UBQLN3: variants seen among roughly 807,000 people sequenced by gnomAD.
UBQLN3 encodes the protein ubiquilin 3, also known as ubiquilin-3.
In UBQLN3, 1 loss-of-function variant was observed where a neutral mutation model predicts 2.9. The observed-to-expected ratio is 0.35, with a 90% CI of 0.12 to 1.66. The LOEUF is 1.66. Among genes scored for constraint, UBQLN3 ranks in the 40% most tolerant of loss-of-function variants. The pLI is 0.35. For missense variants in UBQLN3, 924 were observed against 816.5 expected, an observed-to-expected ratio of 1.13 and a Z score of -1.61; for synonymous variants, 358 against 317.6, an observed-to-expected ratio of 1.13 and a Z score of -1.35.
chr11:5,507,914 G>A lies in UBQLN3; in HGVS notation c.1645C>T (p.Leu549=). 6.2e-7 allele frequency: 1 copy of A among 1,613,854 alleles called. No individual in the cohort carries two copies. The highest frequency in any genetic ancestry group is 2.2e-5 in the East Asian group (1 of 44,862). Residue 549 remains leucine (L), a synonymous_variant, in exon 2 of 2, where the codon CTA becomes TTA. Coordinates refer to ENST00000311659, the MANE Select transcript of UBQLN3 (RefSeq NM_017481.4). ...PRLLLWFMPC[L]AGTGSVAGGI... ...CCTGCCACACTACCCGTCCCTGCTA[G>A]GCAAGGCATGAACCAGAGTAGGAGG...
Position 5,507,936 on chromosome 11 carries a change from G to A in UBQLN3, c.1623C>T (p.Leu541=), listed in dbSNP as rs776156868. The change falls in exon 2 of 2, where the codon CTC becomes CTT. Residue 541 remains leucine (L), a synonymous_variant. Transcript: ENST00000311659. ...CTAGGCAAGGCATGAACCAGAGTAGGAGGCGAGGTGCTTCAGTAGCTAGGA... is the reference window on the plus strand; with the variant it reads ...CTAGGCAAGGCATGAACCAGAGTAGAAGGCGAGGTGCTTCAGTAGCTAGGA... ...LQVLATEAPR[L]LLWFMPCLAG... 7 of 1,613,942 alleles carry A rather than the reference G, an allele frequency of 4.3e-6. No individual in the cohort carries two copies. The highest frequency in any genetic ancestry group is 5.9e-6 in the Non-Finnish European group (7 of 1,180,024).
chr11:5,507,832 G>A lies in UBQLN3; in HGVS notation c.1727C>T (p.Pro576Leu), dbSNP rs1846401597. Reference protein sequence around the residue: ...LMSEDPLPNPPPEVFPALDSA... With the variant: ...LMSEDPLPNPLPEVFPALDSA... ...GTCCAGTGCTGGGAACACCTCAGGA[G>A]GTGGATTTGGGAGAGGATCCTCAGA... Residue 576 changes from proline (P) to leucine (L), a missense_variant, in exon 2 of 2, where the codon CCT becomes CTT. Physicochemically the swap from Pro to Leu is moderately conservative, Grantham distance 98 (BLOSUM62 -3). Coordinates refer to ENST00000311659, the MANE Select transcript of UBQLN3 (RefSeq NM_017481.4). 6.2e-7 allele frequency: 1 copy of A among 1,613,866 alleles called. No individual in the cohort carries two copies. Among genetic ancestry groups the A allele is most frequent in the Non-Finnish European group, 8.5e-7 (1 of 1,180,038 alleles).
In UBQLN3 at chr11:5,508,586, C is replaced by T. The variant is rs1846421534; in HGVS notation, c.973G>A (p.Asp325Asn). The change falls in exon 2 of 2, where the codon GAT becomes AAT. Residue 325 changes from aspartate (D) to asparagine (N), a missense_variant. By Grantham distance (23) the Asp-to-Asn change is conservative. Coordinates refer to ENST00000311659, the MANE Select transcript of UBQLN3 (RefSeq NM_017481.4). This position sits in a 1 kb window ranked among gnomAD's most constrained non-coding sequence, Gnocchi z 4.2. Reference sequence around the variant, plus strand: ...AACCTATTTCTAATGTCAGGTGCATCCTGATCCCCATCCTGCCTTCCTTGC... The same window carrying T: ...AACCTATTTCTAATGTCAGGTGCATTCTGATCCCCATCCTGCCTTCCTTGC... The part of the protein sequence containing the change: ...SRQGRQDGDQ[D>N]APDIRNRFPN... 6.2e-7 allele frequency: 1 copy of T among 1,614,070 alleles called. No homozygotes were observed. The highest frequency in any genetic ancestry group is 8.5e-7 in the Non-Finnish European group (1 of 1,180,000).
rs1846426440 is a variant in UBQLN3, at chr11:5,508,776, A to G, written c.783T>C (p.Ile261=). The G allele has an allele frequency of 1.2e-6, 2 of 1,614,006 alleles. No homozygotes were observed. The highest frequency in any genetic ancestry group is 1.3e-5 in the African/African-American group (1 of 74,904). ...GGACTGCGTTAAGCATTGGGTCCAT[A>G]ATATCTGTGTACATAGTGCAAAGCA... ...YNVLCTMYTD[I]MDPMLNAVQE... Residue 261 remains isoleucine, a synonymous_variant, in exon 2 of 2, where the codon ATT becomes ATC. Coordinates refer to ENST00000311659, the MANE Select transcript of UBQLN3 (RefSeq NM_017481.4). The surrounding 1 kb of genome is among the most constrained non-coding windows in gnomAD (Gnocchi z 4.2).
rs752559157 is a variant in UBQLN3 at position 5,508,021 on chromosome 11, G to C, written c.1538C>G (p.Ala513Gly). 5 of 1,614,090 alleles carry C rather than the reference G, an allele frequency of 3.1e-6. No homozygotes were observed. Among genetic ancestry groups the C allele is most frequent in the Non-Finnish European group, 3.4e-6 (4 of 1,180,038 alleles). Reference protein sequence around the residue: ...PQLPLLMHLQAAMANPRALQA... With the variant: ...PQLPLLMHLQGAMANPRALQA... ...CAGGGCACGGGGGTTTGCCATGGCTGCCTGAAGGTGCATCAGCAGTGGCAG... is the reference window on the plus strand; with the variant it reads ...CAGGGCACGGGGGTTTGCCATGGCTCCCTGAAGGTGCATCAGCAGTGGCAG... Residue 513 changes from alanine (A) to glycine (G), a missense_variant, in exon 2 of 2, where the codon GCA becomes GGA. Coordinates refer to ENST00000311659, the MANE Select transcript of UBQLN3 (RefSeq NM_017481.4). The surrounding 1 kb of genome is among the most constrained non-coding windows in gnomAD (Gnocchi z 4.2).
rs372077732 is a variant in UBQLN3 at position 5,507,453 on chromosome 11, C to A, written c.*138G>T. The A allele has an allele frequency of 6.9e-7, 1 of 1,458,184 alleles. No homozygotes were observed. The allele number at this position is 1,458,184 out of a possible 1,614,324, so 90.3% of individuals were successfully genotyped here. On this transcript the variant is annotated 3_prime_UTR_variant, in exon 2 of 2. Transcript: ENST00000311659. ...TTAGTCTTCCTCGTTGACTCTGGAA[C>A]AACATTGCCTCCACAGCAAAGGACT...
In UBQLN3 at chr11:5,509,337, G is replaced by C. The variant is rs1330127059; in HGVS notation, c.222C>G (p.Asp74Glu). The change falls in exon 2 of 2, where the codon GAC becomes GAG. Residue 74 changes from aspartate to glutamate, a missense_variant. Physicochemically the swap from Asp to Glu is conservative, Grantham distance 45. Coordinates refer to ENST00000311659, the MANE Select transcript of UBQLN3 (RefSeq NM_017481.4). Reference protein sequence around the residue: ...IFAGKILKDPDSLAQCGVRDG... With the variant: ...IFAGKILKDPESLAQCGVRDG... ...CTCGCACTCCACACTGTGCCAGTGA[G>C]TCAGGATCCTTGAGGATTTTGCCAG... is the stretch of plus-strand genomic sequence containing the variant. 6.2e-7 allele frequency: 1 copy of C among 1,614,222 alleles called. No individual in the cohort carries two copies. The highest frequency in any genetic ancestry group is 1.3e-5 in the African/African-American group (1 of 75,076).
rs774998189 is a variant in UBQLN3, at chr11:5,509,452, G to A, written c.107C>T (p.Ser36Leu). 7.4e-6 allele frequency: 12 copies of A among 1,614,064 alleles called. No individual in the cohort carries two copies. Among genetic ancestry groups the A allele is most frequent in the Non-Finnish European group, 1.0e-5 (12 of 1,179,998 alleles). The change falls in exon 2 of 2, where the codon TCA becomes TTA. Residue 36 changes from serine to leucine, a missense_variant. Ser to Leu is a moderately radical substitution (Grantham distance 145). Coordinates refer to ENST00000311659, the MANE Select transcript of UBQLN3 (RefSeq NM_017481.4). ...VKTPKDKEDF[S>L]VTDTCTIQQL... is the part of the protein sequence containing the mutation. ...CTGGATAGTGCATGTGTCTGTAACT[G>A]AGAAATCCTCCTTGTCTTTGGGCGT...
chr11:5,507,779 G>A lies in UBQLN3; in HGVS notation c.1780C>T (p.Pro594Ser). ...DSAELGFLSP[P>S]FLHMLQDLVS... ...AAATCTTGCAGCATATGGAGAAAGG[G>A]AGGGGAAAGGAAGCCCAGCTCTGCA... is the stretch of plus-strand genomic sequence containing the variant. Residue 594 changes from proline (P) to serine (S), a missense_variant, in exon 2 of 2, where the codon CCC (proline) becomes TCC (serine). Transcript: ENST00000311659. The A allele has an allele frequency of 6.2e-7, 1 of 1,614,094 alleles. No individual in the cohort carries two copies. Among genetic ancestry groups the A allele is most frequent in the East Asian group, 2.2e-5 (1 of 44,868 alleles).
Position 5,509,452 on chromosome 11 carries a change from GA to G in UBQLN3, c.106del (p.Ser36GlnfsTer11). On this transcript the variant is annotated frameshift_variant, in exon 2 of 2. Coordinates refer to ENST00000311659, the MANE Select transcript of UBQLN3 (RefSeq NM_017481.4). LOFTEE classifies it low-confidence loss of function (END_TRUNC). ...CTGGATAGTGCATGTGTCTGTAACT[GA>G]GAAATCCTCCTTGTCTTTGGGCGTC... ...VKTPKDKEDF[S>X]VTDTCTIQQL... The G allele has an allele frequency of 6.2e-7, 1 of 1,614,180 alleles. No individual in the cohort carries two copies. Among genetic ancestry groups the G allele is most frequent in the Non-Finnish European group, 8.5e-7 (1 of 1,179,990 alleles).
In UBQLN3 at chr11:5,507,841, G is replaced by C. The variant is rs781318505; in HGVS notation, c.1718C>G (p.Pro573Arg). The C allele has an allele frequency of 1.9e-6, 3 of 1,613,802 alleles. No homozygotes were observed. The highest frequency in any genetic ancestry group is 2.5e-6 in the Non-Finnish European group (3 of 1,180,016). ...TGGGAACACCTCAGGAGGTGGATTTGGGAGAGGATCCTCAGACATAAGGGG... is the reference window on the plus strand; with the variant it reads ...TGGGAACACCTCAGGAGGTGGATTTCGGAGAGGATCCTCAGACATAAGGGG... ...EDPLMSEDPLPNPPPEVFPAL... is the reference protein window; with the variant it reads ...EDPLMSEDPLRNPPPEVFPAL... Residue 573 changes from proline (P) to arginine (R), a missense_variant, in exon 2 of 2, where the codon CCA becomes CGA. Pro to Arg is a moderately radical substitution (Grantham distance 103). Transcript: ENST00000311659.
rs561174383 is a variant in UBQLN3 at position 5,508,120 on chromosome 11, G to A, written c.1439C>T (p.Pro480Leu). ...TGGCCTCAGAGATCTTGGATAAGCC[G>A]GGGATGGCAGCCAGGGAGGCTCAGG... ...GIPEPPWLPS[P>L]AYPRSLRPDG... Residue 480 changes from proline (P) to leucine (L), a missense_variant, in exon 2 of 2, where the codon CCG becomes CTG. Transcript: ENST00000311659. This position sits in a 1 kb window ranked among gnomAD's most constrained non-coding sequence, Gnocchi z 4.2. 6.3e-5 allele frequency: 102 copies of A among 1,614,192 alleles called. 1 individual carries two copies. Among genetic ancestry groups the A allele is most frequent in the African/African-American group, 3.7e-4 (28 of 75,066 alleles).
In UBQLN3 at chr11:5,509,623, T is replaced by C. The variant is rs750337037; in HGVS notation, c.-36-29A>G. 117 of 1,539,666 alleles carry C rather than the reference T, an allele frequency of 7.6e-5. 1 individual carries two copies. The highest frequency in any genetic ancestry group is 1.0e-4 in the Non-Finnish European group (116 of 1,147,976). On this transcript the variant is annotated intron_variant, in intron 1 of 1. Coordinates refer to ENST00000311659, the MANE Select transcript of UBQLN3 (RefSeq NM_017481.4). ...GGGGCATGGGGATTGGAGACCAAGATCATCCTTTCAGGCAATGGCAAAAGT... is the reference window on the plus strand; with the variant it reads ...GGGGCATGGGGATTGGAGACCAAGACCATCCTTTCAGGCAATGGCAAAAGT...
Position 5,509,342 on chromosome 11 carries a change from G to T in UBQLN3, c.217C>A (p.Pro73Thr), listed in dbSNP as rs535446583. ...LIFAGKILKD[P>T]DSLAQCGVRD... ...ACTCCACACTGTGCCAGTGAGTCAG[G>T]ATCCTTGAGGATTTTGCCAGCAAAG... The change falls in exon 2 of 2, where the codon CCT becomes ACT. Residue 73 changes from proline (P) to threonine (T), a missense_variant. Transcript: ENST00000311659. The T allele has an allele frequency of 1.9e-6, 3 of 1,614,174 alleles. No homozygotes were observed. The highest frequency in any genetic ancestry group is 2.2e-5 in the East Asian group (1 of 44,884).
chr11:5,508,387 C>T lies in UBQLN3; in HGVS notation c.1172G>A (p.Gly391Glu), dbSNP rs1421052639. The T allele has an allele frequency of 1.2e-6, 2 of 1,601,728 alleles. No homozygotes were observed. The highest frequency in any genetic ancestry group is 1.7e-6 in the Non-Finnish European group (2 of 1,174,288). Residue 391 changes from glycine to glutamate, a missense_variant, in exon 2 of 2, where the codon GGG (glycine) becomes GAG (glutamate). Coordinates refer to ENST00000311659, the MANE Select transcript of UBQLN3 (RefSeq NM_017481.4). This position sits in a 1 kb window ranked among gnomAD's most constrained non-coding sequence, Gnocchi z 4.2. ...PPSSPSSQEP[G>E]SGQPLPEESV... ...CTCCTCGGGGAGAGGCTGGCCTGACCCAGGCTCCTGAGATGAGGGTGACGA... is the reference window on the plus strand; with the variant it reads ...CTCCTCGGGGAGAGGCTGGCCTGACTCAGGCTCCTGAGATGAGGGTGACGA...
At chr11:5,509,739 G>A (rs1393551123) in intron 1 of UBQLN3, 135 bp downstream of exon 1, 27 of 1,034,704 alleles carry the variant, frequency 2.6e-5, no homozygotes, top group African/African-American at 4.8e-5. Context: ...TCTGGGGCAG[G>A]ATGCTTTAGG....
rs554176915 is a variant in UBQLN3, at chr11:5,508,547, C to A, written c.1012G>T (p.Gly338Cys). 6.2e-7 allele frequency: 1 copy of A among 1,614,096 alleles called. No homozygotes were observed. Among genetic ancestry groups the A allele is most frequent in the Non-Finnish European group, 8.5e-7 (1 of 1,180,024 alleles). ...DIRNRFPNFL[G>C]IIRLYDYLQQ... is the part of the protein sequence containing the mutation. ...AGATAGTCATAGAGCCTTATAATAC[C>A]CAGAAAGTTTGGAAACCTATTTCTA... The change falls in exon 2 of 2, where the codon GGT becomes TGT. Residue 338 changes from glycine (G) to cysteine (C), a missense_variant. Physicochemically the swap from Gly to Cys is radical, Grantham distance 159. Transcript: ENST00000311659. The surrounding 1 kb of genome is among the most constrained non-coding windows in gnomAD (Gnocchi z 4.2).
chr11:5,509,095 C>T lies in UBQLN3; in HGVS notation c.464G>A (p.Ser155Asn), dbSNP rs779945684. Residue 155 changes from serine (S) to asparagine (N), a missense_variant, in exon 2 of 2, where the codon AGC becomes AAC. Physicochemically the swap from Ser to Asn is conservative, Grantham distance 46. Transcript: ENST00000311659. ...LAYRGFPDQP[S>N]SLMRQHVSVP... ...AGACACATGCTGCCGCATCAGGGAG[C>T]TTGGCTGGTCAGGGAAGCCACGATA... The T allele has an allele frequency of 5.6e-6, 9 of 1,614,166 alleles. No homozygotes were observed. The Admixed American group carries it at 1.5e-4, about 27-fold the overall frequency.
chr11:5,508,996 C>A lies in UBQLN3; in HGVS notation c.563G>T (p.Arg188Leu). 6.2e-7 allele frequency: 1 copy of A among 1,614,056 alleles called. No homozygotes were observed. Among genetic ancestry groups the A allele is most frequent in the South Asian group, 1.1e-5 (1 of 91,070 alleles). The change falls in exon 2 of 2, where the codon CGC becomes CTC. Residue 188 changes from arginine to leucine, a missense_variant. By Grantham distance (102) the Arg-to-Leu change is moderately radical (BLOSUM62 -2). Transcript: ENST00000311659. This position sits in a 1 kb window ranked among gnomAD's most constrained non-coding sequence, Gnocchi z 4.2. The stretch of plus-strand genomic sequence containing the variant: ...ATGGGGGTTGTCAAGAACCAGCTGG[C>A]GTACTAGGCCTGTGTTGGACAGCAG... ...PGLLSNTGLV[R>L]QLVLDNPHMQ...
Sources: gnomAD v4.1 joint callset for allele counts on GRCh38, gnomAD v4.1.1 for gene constraint, Gnocchi (gnomAD v3.1) non-coding constraint, MANE v1.5 for transcripts, NCBI Gene and HGNC (gene_info 2026-07-23, HGNC 2026-07-21) for gene names.